The following GPR107 variants were observed in gnomAD, a reference collection of about 807,000 sequenced individuals.
The protein encoded by GPR107 is protein GPR107.
Under a neutral mutation model 75.5 loss-of-function variants are expected in GPR107, and 31 were observed. The ratio of observed to expected loss-of-function variants is 0.41; its 90% CI spans 0.31 to 0.55. The LOEUF (loss-of-function observed/expected upper bound fraction) is 0.55. Ranked by LOEUF, GPR107 falls within the 20% of genes least tolerant of loss-of-function variation. The pLI is 0.26. For synonymous variants in GPR107, 267 were observed against 251.3 expected (o/e 1.06, Z -0.59); for missense variants, 572 against 665.7 (o/e 0.86, Z 1.55).
In GPR107 at chr9:130,053,991, G is replaced by A; in HGVS notation, c.59G>A (p.Gly20Asp). The change falls in exon 1 of 18, where the codon GGC becomes GAC. Residue 20 changes from glycine (G) to aspartate (D), a missense_variant. Transcript: ENST00000347136. ...TCCCGCGGTCCTAGGCTGGCCGCGG[G>A]CCTCCGGCTGCTCCCAATGCTGGGT... ...PASRGPRLAAGLRLLPMLGLL... is the reference protein window; with the variant it reads ...PASRGPRLAADLRLLPMLGLL... 1 of 1,552,578 alleles carries A rather than the reference G, an allele frequency of 6.4e-7. No homozygotes were observed. The highest frequency in any genetic ancestry group is 8.7e-7 in the Non-Finnish European group (1 of 1,148,868).
chr9:130,069,984 C>CTTTTTTTTTTTTTT (rs1045979986), intron 1 of GPR107, among the ~76,000 whole-genome samples: 37 of 45,394 alleles, frequency 8.2e-4, no homozygotes, highest in South Asian at 4.4e-3. Flanking sequence ...TGCCTGGCCT[C>CTTTTTTTTTTTTTT]TTTTTTTTTT....
intron 4 of GPR107, among the ~76,000 whole-genome samples, chr9:130,077,908 G>A (rs1830395604): frequency 6.6e-6 from 1 of 152,186 alleles, no homozygotes; most frequent in African/African-American, 2.4e-5. Context: ...GCTCATGCCT[G>A]TAATCCCAGC....
intron 14 of GPR107, among the ~76,000 whole-genome samples, chr9:130,122,358 C>G (rs1363540966): frequency 1.3e-5 from 2 of 152,180 alleles, no homozygotes; most frequent in Non-Finnish European, 2.9e-5. Flanking sequence ...CTGGTCATTT[C>G]ATTGTCCCCT....
chr9:130,083,727 C>T, intron 6 of GPR107, 125 bp downstream of exon 6: 1 of 497,698 alleles, frequency 2.0e-6, no homozygotes, highest in Non-Finnish European at 3.5e-6. Flanking sequence ...CATACATATA[C>T]AGTCGTCCCT....
intron 7 of GPR107, among the ~76,000 whole-genome samples, chr9:130,089,330 C>T (rs995306515): frequency 6.6e-6 from 1 of 152,194 alleles, no homozygotes; most frequent in Non-Finnish European, 1.5e-5. Context: ...AGCCCATCCG[C>T]AGGGTTCTTG....
intron 11 of GPR107, 92 bp downstream of exon 11, chr9:130,100,794 C>A: frequency 1.1e-6 from 1 of 911,916 alleles, no homozygotes; most frequent in Non-Finnish European, 1.8e-6. Flanking sequence ...ACCAGCCCTG[C>A]CCTCCTGTGG....
chr9:130,098,604 C>T (rs1158890781), intron 9 of GPR107, among the ~76,000 whole-genome samples: 1 of 152,156 alleles, frequency 6.6e-6, no homozygotes, highest in African/African-American at 2.4e-5. Context: ...TGGAATCCAT[C>T]ATGTCTAGCT....
At chr9:130,118,521 A>G (rs7018785) in intron 14 of GPR107, among the ~76,000 whole-genome samples, 149,835 of 152,186 alleles carry the variant, frequency 0.98, 73,774 homozygotes, top group East Asian at 1. Context: ...TCCTGTTCTC[A>G]TCAGTAAGAA....
At chr9:130,062,578 G>C (rs1829952864) in intron 1 of GPR107, among the ~76,000 whole-genome samples, 1 of 151,830 alleles carries the variant, frequency 6.6e-6, no homozygotes, top group Non-Finnish European at 1.5e-5. Flanking sequence ...AGGTAGTTAT[G>C]ATATAGCATG....
At chr9:130,096,314 C>A (rs905361862) in intron 9 of GPR107, among the ~76,000 whole-genome samples, 3 of 152,022 alleles carry the variant, frequency 2.0e-5, no homozygotes. Flanking sequence ...AGGAAATGAG[C>A]CCAGAAACTG....
chr9:130,063,336 G>A (rs993483561), intron 1 of GPR107, among the ~76,000 whole-genome samples: 6 of 151,892 alleles, frequency 4.0e-5, no homozygotes, highest in African/African-American at 1.2e-4. Context: ...GACTACAGGC[G>A]TTTGCCACCA....
intron 14 of GPR107, among the ~76,000 whole-genome samples, chr9:130,119,197 C>T (rs1195879853): frequency 2.0e-5 from 3 of 152,200 alleles, no homozygotes; most frequent in Non-Finnish European, 2.9e-5. Context: ...TCACCCTGCT[C>T]AGAGCGGGCT....
intron 14 of GPR107, among the ~76,000 whole-genome samples, chr9:130,116,948 A>ATT (rs10578715): frequency 5.1e-5 from 7 of 137,804 alleles, no homozygotes; most frequent in African/African-American, 1.9e-4. Flanking sequence ...TTTGAAATGT[A>ATT]TTTTTTTTTT....
intron 8 of GPR107, 88 bp downstream of exon 8, chr9:130,091,071 A>G: frequency 1.5e-6 from 1 of 675,686 alleles, no homozygotes; most frequent in Non-Finnish European, 2.6e-6. Context: ...TTTTAAGAAT[A>G]CTTAAGAAAA....
chr9:130,076,816 C>G (rs1219665036), intron 3 of GPR107, among the ~76,000 whole-genome samples: 2 of 151,522 alleles, frequency 1.3e-5, no homozygotes, highest in African/African-American at 4.8e-5. Context: ...CTGGCCACAG[C>G]GCCATTTCTT....
intron 15 of GPR107, among the ~76,000 whole-genome samples, chr9:130,127,037 C>T (rs888007224): frequency 6.6e-6 from 1 of 151,514 alleles, no homozygotes; most frequent in Non-Finnish European, 1.5e-5. Flanking sequence ...TGAGTGTGGA[C>T]CTCGAATGCT....
At chr9:130,060,531 C>T (rs898494713) in intron 1 of GPR107, among the ~76,000 whole-genome samples, 5 of 151,948 alleles carry the variant, frequency 3.3e-5, no homozygotes, top group South Asian at 2.1e-4. Context: ...GCCATCTTCC[C>T]GTTTCAGCCT....
At chr9:130,088,404 G>A (rs533936) in intron 7 of GPR107, among the ~76,000 whole-genome samples, 1,830 of 152,244 alleles carry the variant, frequency 0.012, 22 homozygotes, top group Middle Eastern at 0.054. Context: ...TTCCCTCATT[G>A]TGCTCTGTCT....
At chr9:130,118,252 G>T (rs1334422095) in intron 14 of GPR107, among the ~76,000 whole-genome samples, 4 of 152,206 alleles carry the variant, frequency 2.6e-5, no homozygotes, top group African/African-American at 9.7e-5. Context: ...TCAGTTGATG[G>T]CAACGACCAG....
Sources: gnomAD v4.1 joint callset for allele counts (sites outside exome capture counted in the v4.1 genomes callset) on GRCh38, gnomAD v4.1.1 for gene constraint, MANE v1.5 for transcripts, NCBI Gene and HGNC (gene_info 2026-07-23, HGNC 2026-07-21) for gene names.